NAF1: variants seen among roughly 807,000 people sequenced by gnomAD.
The protein encoded by NAF1 is nuclear assembly factor 1 ribonucleoprotein, also known as H/ACA ribonucleoprotein complex non-core subunit NAF1.
Under a neutral mutation model 40.6 loss-of-function variants are expected in NAF1, and 11 were observed. The observed-to-expected ratio is 0.27, with a 90% confidence interval of 0.17 to 0.45. The LOEUF is 0.45. Among genes scored for constraint, NAF1 ranks in the 20% least tolerant of loss-of-function variants. The pLI is 1.00. For synonymous variants in NAF1, 260 were observed against 228.5 expected (o/e 1.14, Z -1.24); for missense variants, 607 against 611.1 (o/e 0.99, Z 0.07).
chr4:163,128,595 C>A, downstream of NAF1: 1 of 345,690 alleles, frequency 2.9e-6, no homozygotes, highest in Non-Finnish European at 4.0e-6. Flanking sequence ...AAACTTGTCC[C>A]ATATCCATTA....
chr4:163,142,279 C>T (rs1043272235), intron 4 of NAF1, among the ~76,000 whole-genome samples: 2 of 152,162 alleles, frequency 1.3e-5, no homozygotes, highest in African/African-American at 4.8e-5. Context: ...ATACACAAAC[C>T]CAATTCTTCA....
intron 6 of NAF1, among the ~76,000 whole-genome samples, chr4:163,133,922 C>A (rs1165917611): frequency 6.6e-6 from 1 of 152,040 alleles, no homozygotes; most frequent in East Asian, 1.9e-4. Flanking sequence ...GGATTACAGG[C>A]GCACGCCACC....
At chr4:163,139,594 T>C (rs1731178359) in intron 5 of NAF1, among the ~76,000 whole-genome samples, 1 of 152,104 alleles carries the variant, frequency 6.6e-6, no homozygotes, top group Non-Finnish European at 1.5e-5. Context: ...ATTCAACCAA[T>C]GGGAGCACAA....
At chr4:163,133,480 C>A in intron 6 of NAF1, 1 of 412,446 alleles carries the variant, frequency 2.4e-6, no homozygotes, top group Non-Finnish European at 4.3e-6. Context: ...CAGTAATCAG[C>A]CTTCAGATAT....
At chr4:163,142,979 A>C (rs1731320543) in intron 4 of NAF1, among the ~76,000 whole-genome samples, 1 of 152,210 alleles carries the variant, frequency 6.6e-6, no homozygotes, top group South Asian at 2.1e-4. Flanking sequence ...TCAAGATAAA[A>C]GCAAAGGAAG....
chr4:163,154,154 C>T (rs576906775), intron 2 of NAF1, among the ~76,000 whole-genome samples: 1 of 152,194 alleles, frequency 6.6e-6, no homozygotes, highest in African/African-American at 2.4e-5. Context: ...TAACACTCAC[C>T]GCGAAGGTCT....
downstream of NAF1, chr4:163,126,882 C>CTGTA: frequency 6.9e-7 from 1 of 1,440,606 alleles, no homozygotes; most frequent in Non-Finnish European, 9.1e-7. Context: ...AGCTAAAAGA[C>CTGTA]TGTAACTCAC....
chr4:163,128,600 C>G, downstream of NAF1: 1 of 388,296 alleles, frequency 2.6e-6, no homozygotes, highest in Non-Finnish European at 3.5e-6. Context: ...TGTCCCATAT[C>G]CATTACTATA....
downstream of NAF1, among the ~76,000 whole-genome samples, chr4:163,108,464 A>T (rs1730084555): frequency 2.0e-5 from 3 of 152,350 alleles, no homozygotes; most frequent in South Asian, 6.2e-4. Flanking sequence ...TTCAATTATG[A>T]AAAGAAAATA....
chr4:163,136,209 C>T (rs1481539096), intron 6 of NAF1: 3 of 151,976 alleles, frequency 2.0e-5, no homozygotes, highest in Admixed American at 2.0e-4. Context: ...GGGCTCATGC[C>T]TGTAATCCCA....
intron 6 of NAF1, chr4:163,135,521 T>A (rs1007092936): frequency 2.6e-5 from 4 of 152,264 alleles, no homozygotes; most frequent in Non-Finnish European, 5.9e-5. Flanking sequence ...CCAGGTGCGG[T>A]GGCTCACGCC....
chr4:163,128,023 A>G (rs1421355025), downstream of NAF1, among the ~76,000 whole-genome samples: 3 of 152,224 alleles, frequency 2.0e-5, no homozygotes, highest in African/African-American at 7.2e-5. Flanking sequence ...AAACTGGAGT[A>G]TTTCAATGGT....
chr4:163,130,043 G>T (rs1730809534), intron 7 of NAF1, among the ~76,000 whole-genome samples: 1 of 152,158 alleles, frequency 6.6e-6, no homozygotes, highest in Non-Finnish European at 1.5e-5. Context: ...GAGGCTAAGA[G>T]GAATACCTAG....
Position 163,154,904 on chromosome 4 carries a change from C to A in NAF1, c.541-6470G>T, listed in dbSNP as rs987977532. ...CAAAACAAAAACAAAAAAAAAAAAACAGAGCGAGAGAGGAGAACAAAGAGG... is the reference window on the plus strand; with the variant it reads ...CAAAACAAAAACAAAAAAAAAAAAAAAGAGCGAGAGAGGAGAACAAAGAGG... On this transcript the variant is annotated intron_variant, in intron 2 of 7. Coordinates refer to ENST00000274054, the MANE Select transcript of NAF1 (RefSeq NM_138386.3). Among the ~76,000 whole-genome samples the A allele has an allele frequency of 1.1e-4, 15 of 139,324 alleles. No individual in the cohort carries two copies. The East Asian group carries it at 2.0e-3, about 19-fold the overall frequency. 91.4% of individuals were successfully genotyped at this position (139,324 alleles called of 152,430 possible). A position where few individuals can be genotyped will look rare whatever the true frequency, so the allele number is the denominator to read the frequency against.
chr4:163,149,695 C>T (rs933814994), intron 2 of NAF1, among the ~76,000 whole-genome samples: 2 of 152,088 alleles, frequency 1.3e-5, no homozygotes, highest in Admixed American at 6.5e-5. Context: ...TCATATTAAA[C>T]GTGGAAAGCC....
intron 2 of NAF1, among the ~76,000 whole-genome samples, chr4:163,111,563 T>G (rs1730160865): frequency 6.6e-6 from 1 of 152,176 alleles, no homozygotes; most frequent in Admixed American, 6.5e-5. Context: ...ACATACCTAT[T>G]AGTCATTTAA....
chr4:163,112,915 A>C (rs1309071183), intron 2 of NAF1, among the ~76,000 whole-genome samples: 14 of 152,206 alleles, frequency 9.2e-5, no homozygotes, highest in Admixed American at 8.5e-4. Flanking sequence ...TGCAGCTTTA[A>C]GGCTCCCTTT....
intron 5 of NAF1, among the ~76,000 whole-genome samples, chr4:163,138,771 T>C (rs1460884200): frequency 6.6e-6 from 1 of 152,118 alleles, no homozygotes; most frequent in African/African-American, 2.4e-5. Flanking sequence ...TAAAATCTAT[T>C]TAAAAACCAT....
At position 163,145,424 on chromosome 4, in the gene NAF1, C is replaced by T. The variant is rs533616028; in HGVS notation, c.717+358G>A. Among the ~76,000 whole-genome samples, 8 of 152,244 alleles carry T rather than the reference C, an allele frequency of 5.3e-5. 1 individual carries two copies. The South Asian group carries it at 1.2e-3, about 24-fold the overall frequency. On this transcript the variant is annotated intron_variant, in intron 4 of 7. Coordinates refer to ENST00000274054, the MANE Select transcript of NAF1 (RefSeq NM_138386.3). ...CAAAGGAGCTCACAAAACAAAAATG[C>T]TTAAGAGCTACTATACTATGGGAAG...
Sources: allele counts gnomAD v4.1 joint callset (sites outside exome capture counted in the v4.1 genomes callset), GRCh38; gene constraint gnomAD v4.1.1; transcripts MANE v1.5; gene names NCBI Gene and HGNC (gene_info 2026-07-23, HGNC 2026-07-21).